The following UBE2E2 variants were observed in gnomAD, a reference collection of about 807,000 sequenced individuals.
UBE2E2 encodes ubiquitin conjugating enzyme E2 E2, also known as ubiquitin-conjugating enzyme E2 E2.
A neutral mutation model predicts 24.7 loss-of-function variants in UBE2E2; 6 were observed. The observed-to-expected ratio is 0.24, with a 90% CI of 0.13 to 0.48. The LOEUF (loss-of-function observed/expected upper bound fraction) is 0.48, where lower values mean the gene tolerates loss of function less well. Ranked by LOEUF, UBE2E2 falls within the 20% of genes least tolerant of loss-of-function variation. UBE2E2 has a pLI of 0.99. For missense variants in UBE2E2, 169 were observed against 245.0 expected (o/e 0.69, Z 2.07); for synonymous variants, 104 against 83.6 (o/e 1.24, Z -1.33).
intron 5 of UBE2E2, among the ~76,000 whole-genome samples, chr3:23,549,182 A>G (rs774422350): frequency 2.6e-5 from 4 of 152,218 alleles, no homozygotes; most frequent in Non-Finnish European, 2.9e-5. Context: ...TTGATGTTCT[A>G]AAGTTCTTTC....
chr3:23,382,732 T>A (rs1696707398), intron 3 of UBE2E2, among the ~76,000 whole-genome samples: 1 of 152,170 alleles, frequency 6.6e-6, no homozygotes, highest in Non-Finnish European at 1.5e-5. Flanking sequence ...ATGGTTTGAA[T>A]ACCATTTAGG....
At chr3:23,585,342 G>C (rs1424915806) in intron 5 of UBE2E2, among the ~76,000 whole-genome samples, 6 of 140,670 alleles carry the variant, frequency 4.3e-5, no homozygotes, top group African/African-American at 1.6e-4. Flanking sequence ...CTGCACTCCA[G>C]CCAGGGCAAC....
intron 3 of UBE2E2, among the ~76,000 whole-genome samples, chr3:23,314,033 CTAA>C (rs1694498417): frequency 6.6e-6 from 1 of 152,184 alleles, no homozygotes; most frequent in Non-Finnish European, 1.5e-5. Context: ...AAAAAGGAAA[CTAA>C]TAACTCTAAC....
chr3:23,440,166 C>A (rs545378987), intron 3 of UBE2E2, among the ~76,000 whole-genome samples: 1 of 151,932 alleles, frequency 6.6e-6, no homozygotes, highest in Non-Finnish European at 1.5e-5. Flanking sequence ...CCCAGCTACT[C>A]GGAGGGCTGA....
Position 23,561,885 on chromosome 3 carries a change from A to G in UBE2E2, c.509-27849A>G, listed in dbSNP as rs1343523419. Among the ~76,000 whole-genome samples the G allele has an allele frequency of 5.9e-5, 9 of 152,236 alleles. No individual in the cohort carries two copies. In the East Asian group the frequency reaches 1.7e-3, roughly 29 times the overall value. On this transcript the variant is annotated intron_variant, in intron 5 of 5. Coordinates refer to ENST00000396703, the MANE Select transcript of UBE2E2 (RefSeq NM_152653.4). ...TTGGCTCTCTGTCTGTTATTGGTGT[A>G]TAAGAATGCTTGTGATTTTTGCACA...
intron 3 of UBE2E2, among the ~76,000 whole-genome samples, chr3:23,228,019 C>G (rs766552997): frequency 4.6e-5 from 7 of 152,108 alleles, no homozygotes; most frequent in Admixed American, 1.3e-4. Context: ...AAATGGGGAA[C>G]TTTATGTATA....
chr3:23,328,650 ATCTC>A (rs758980716), intron 3 of UBE2E2, among the ~76,000 whole-genome samples: 1 of 141,440 alleles, frequency 7.1e-6, no homozygotes. Flanking sequence ...AAATGCCGTA[ATCTC>A]TCTCTCTCTT....
At chr3:23,219,724 A>G (rs1696572753) in intron 3 of UBE2E2, among the ~76,000 whole-genome samples, 1 of 152,196 alleles carries the variant, frequency 6.6e-6, no homozygotes, top group South Asian at 2.1e-4. Context: ...CCTATCACAC[A>G]TGCCTCTCAA....
intron 3 of UBE2E2, among the ~76,000 whole-genome samples, chr3:23,335,215 T>C (rs1695168051): frequency 6.6e-6 from 1 of 152,192 alleles, no homozygotes; most frequent in South Asian, 2.1e-4. Context: ...ACCATCATTT[T>C]ATTAGTGCTG....
At chr3:23,323,183 C>T (rs190680504) in intron 3 of UBE2E2, among the ~76,000 whole-genome samples, 4 of 152,160 alleles carry the variant, frequency 2.6e-5, no homozygotes, top group African/African-American at 7.2e-5. Flanking sequence ...TCACAACCAC[C>T]TTATGAAGGT....
chr3:23,393,597 C>G (rs1006377708), intron 3 of UBE2E2, among the ~76,000 whole-genome samples: 1 of 152,020 alleles, frequency 6.6e-6, no homozygotes, highest in Non-Finnish European at 1.5e-5. Context: ...TTTAGAGGCA[C>G]GGTGGAAAAG....
rs148191646 is a variant in UBE2E2 at position 23,522,529 on chromosome 3, G to T, written c.361-10025G>T. 4.6e-3 allele frequency among the ~76,000 whole-genome samples: 694 copies of T among 152,186 alleles called. 5 individuals carry two copies. Among genetic ancestry groups the T allele is most frequent in the Middle Eastern group, 0.014 (4 of 294 alleles). ...TTGTTAAAATCTAAGCCTTCAAATA[G>T]TGAGTTTGTACTCTTAGAGTTTTGT... On this transcript the variant is annotated intron_variant, in intron 4 of 5. Coordinates refer to ENST00000396703, the MANE Select transcript of UBE2E2 (RefSeq NM_152653.4).
intron 5 of UBE2E2, among the ~76,000 whole-genome samples, chr3:23,574,368 TAA>T (rs1263890005): frequency 6.6e-6 from 1 of 152,142 alleles, no homozygotes; most frequent in African/African-American, 2.4e-5. Flanking sequence ...TTAAAATAAC[TAA>T]AAGAGTACAA....
chr3:23,568,366 A>G (rs1696126516), intron 5 of UBE2E2, among the ~76,000 whole-genome samples: 1 of 152,116 alleles, frequency 6.6e-6, no homozygotes, highest in Non-Finnish European at 1.5e-5. Context: ...ACATGTGAGG[A>G]TTATGGAATA....
At chr3:23,566,275 A>C (rs1004827131) in intron 5 of UBE2E2, among the ~76,000 whole-genome samples, 1 of 152,212 alleles carries the variant, frequency 6.6e-6, no homozygotes, top group African/African-American at 2.4e-5. Context: ...TGGGACATCA[A>C]GTTATTGGCC....
At chr3:23,571,367 G>A (rs1227718097) in intron 5 of UBE2E2, among the ~76,000 whole-genome samples, 1 of 138,602 alleles carries the variant, frequency 7.2e-6, no homozygotes. Flanking sequence ...TCAGCTCACT[G>A]CAACCTCCGT....
intron 3 of UBE2E2, among the ~76,000 whole-genome samples, chr3:23,327,032 C>T (rs1251987402): frequency 7.2e-5 from 11 of 152,170 alleles, no homozygotes; most frequent in South Asian, 6.2e-4. Context: ...CATGGTATTC[C>T]GTGGTGTTTA....
At chr3:23,419,475 G>C (rs1309412381) in intron 3 of UBE2E2, among the ~76,000 whole-genome samples, 2 of 152,176 alleles carry the variant, frequency 1.3e-5, no homozygotes, top group Non-Finnish European at 2.9e-5. Context: ...ACACAACAGT[G>C]CCTAGCCTGG....
At chr3:23,479,172 C>G (rs1338941491) in intron 3 of UBE2E2, among the ~76,000 whole-genome samples, 1 of 152,204 alleles carries the variant, frequency 6.6e-6, no homozygotes, top group East Asian at 1.9e-4. Flanking sequence ...TTGACTCATG[C>G]TACCAGCCTG....
Sources: gnomAD v4.1 joint callset for allele counts (sites outside exome capture counted in the v4.1 genomes callset) on GRCh38, gnomAD v4.1.1 for gene constraint, MANE v1.5 for transcripts, NCBI Gene and HGNC (gene_info 2026-07-23, HGNC 2026-07-21) for gene names.